Variants in TMEM182 observed in about 807,000 individuals in gnomAD.
TMEM182 encodes the protein transmembrane protein 182.
Under a neutral mutation model 26.8 loss-of-function variants are expected in TMEM182, and 20 were observed. The ratio of observed to expected loss-of-function variants is 0.75; its 90% CI spans 0.53 to 1.09. The LOEUF (loss-of-function observed/expected upper bound fraction) is 1.09. Ranked by LOEUF, TMEM182 falls within the 50% of genes least tolerant of loss-of-function variation. The pLI is 0.00. For missense variants in TMEM182, 277 were observed against 275.5 expected (o/e 1.01, Z -0.04); for synonymous variants, 109 against 102.2 (o/e 1.07, Z -0.40).
chr2:102,812,320 T>C (rs1293501148), intron 4 of TMEM182, among the ~76,000 whole-genome samples: 1 of 151,674 alleles, frequency 6.6e-6, no homozygotes, highest in Non-Finnish European at 1.5e-5. Flanking sequence ...CACTAAACCA[T>C]TGGCCTTTGG....
chr2:102,827,161 A>G (rs1309619609), intron 3 of TMEM182, among the ~76,000 whole-genome samples: 4 of 152,204 alleles, frequency 2.6e-5, no homozygotes, highest in Admixed American at 1.3e-4. Context: ...GCCAGGCACC[A>G]TGTTCCAACT....
chr2:102,763,245 G>A (rs1156346352), intron 2 of TMEM182, among the ~76,000 whole-genome samples: 2 of 152,098 alleles, frequency 1.3e-5, no homozygotes, highest in Non-Finnish European at 2.9e-5. Flanking sequence ...TTTGATGTTT[G>A]TGTTCTCATT....
At chr2:102,823,419 G>A (rs1037145520) in intron 3 of TMEM182, among the ~76,000 whole-genome samples, 24 of 152,064 alleles carry the variant, frequency 1.6e-4, no homozygotes, top group African/African-American at 5.3e-4. Context: ...TGCAACCTCC[G>A]CCTCCTGGGT....
At chr2:102,782,558 A>G (rs924318399) in intron 3 of TMEM182, among the ~76,000 whole-genome samples, 2 of 152,154 alleles carry the variant, frequency 1.3e-5, no homozygotes, top group African/African-American at 2.4e-5. Flanking sequence ...ACACTACCTC[A>G]TAGTAGTACA....
chr2:102,834,423 G>C (rs564774293), intron 3 of TMEM182: 29 of 985,318 alleles, frequency 2.9e-5, no homozygotes, highest in Non-Finnish European at 3.4e-5. Context: ...CTAGAAGATG[G>C]GGGGATGGAA....
chr2:102,815,675 A>G lies in TMEM182; in HGVS notation c.*707A>G. ...CTGCATACCAAATTATGTATAACGT[A>G]GATTGAATTTTTATGAACTTAAAGT... is the stretch of plus-strand genomic sequence containing the variant. On this transcript the variant is annotated 3_prime_UTR_variant, in exon 5 of 5. Transcript: ENST00000412401. 1.0e-6 allele frequency: 1 copy of G among 984,242 alleles called. No homozygotes were observed. Among genetic ancestry groups the G allele is most frequent in the Non-Finnish European group, 1.2e-6 (1 of 828,806 alleles). 61.0% of individuals were successfully genotyped at this position (984,242 alleles called of 1,614,324 possible).
chr2:102,768,689 A>G (rs780962312), intron 3 of TMEM182, among the ~76,000 whole-genome samples: 2 of 152,028 alleles, frequency 1.3e-5, no homozygotes, highest in Non-Finnish European at 2.9e-5. Flanking sequence ...CAACAGAGCA[A>G]GACTCCATCT....
At position 102,771,297 on chromosome 2, in the gene TMEM182, G is replaced by A. The variant is rs968011416; in HGVS notation, c.331+6870G>A. On this transcript the variant is annotated intron_variant, in intron 3 of 4. Coordinates refer to ENST00000412401, the MANE Select transcript of TMEM182 (RefSeq NM_144632.5). ...TCACACAGCCATCACCACAGACACA[G>A]TATCACGTTACAGGAGTGGCTGCAG... Among the ~76,000 whole-genome samples, 4 of 152,172 alleles carry A rather than the reference G, an allele frequency of 2.6e-5. No homozygotes were observed. In the East Asian group the frequency reaches 7.7e-4, roughly 29 times the overall value.
intron 3 of TMEM182, among the ~76,000 whole-genome samples, chr2:102,828,711 G>A (rs1683091821): frequency 6.6e-6 from 1 of 152,130 alleles, no homozygotes; most frequent in South Asian, 2.1e-4. Flanking sequence ...TCCACACTAG[G>A]CTACCCCACA....
intron 1 of TMEM182, among the ~76,000 whole-genome samples, chr2:102,746,762 T>C (rs2104633747): frequency 6.6e-6 from 1 of 152,198 alleles, no homozygotes; most frequent in Non-Finnish European, 1.5e-5. Flanking sequence ...CTAATTTTTG[T>C]ATTTTTAGTA....
chr2:102,763,589 G>A lies in TMEM182; in HGVS notation c.233-740G>A, dbSNP rs938309282. Among the ~76,000 whole-genome samples, 6 of 152,152 alleles carry A rather than the reference G, an allele frequency of 3.9e-5. 1 individual carries two copies. Among genetic ancestry groups the A allele is most frequent in the Admixed American group, 2.0e-4 (3 of 15,274 alleles). On this transcript the variant is annotated intron_variant, in intron 2 of 4. Transcript: ENST00000412401. ...AGGAACAAAGTAGTGATGAAGCAGCGTTTTGAGGCAAGTACCTGATAGACT... is the reference window on the plus strand; with the variant it reads ...AGGAACAAAGTAGTGATGAAGCAGCATTTTGAGGCAAGTACCTGATAGACT...
At chr2:102,822,152 G>A (rs942471466), downstream of TMEM182, among the ~76,000 whole-genome samples, 4 of 152,102 alleles carry the variant, frequency 2.6e-5, no homozygotes, top group African/African-American at 9.7e-5. Flanking sequence ...AAAACAGTTA[G>A]ATTAGGCAGT....
chr2:102,776,069 A>G (rs1048506312), intron 3 of TMEM182, among the ~76,000 whole-genome samples: 12 of 152,188 alleles, frequency 7.9e-5, no homozygotes, highest in Non-Finnish European at 1.8e-4. Context: ...TTTACAGAAA[A>G]ATTGAGTAGA....
Position 102,816,027 on chromosome 2 carries a change from T to G in TMEM182, c.*1059T>G, listed in dbSNP as rs1682732052. ...AATTTCTTCATCTTTACAATAGATA[T>G]ATTAACATTTACAGATCGACTATTT... On this transcript the variant is annotated 3_prime_UTR_variant, in exon 5 of 5. Coordinates refer to ENST00000412401, the MANE Select transcript of TMEM182 (RefSeq NM_144632.5). The G allele has an allele frequency of 2.0e-6, 2 of 984,870 alleles. No individual in the cohort carries two copies. The highest frequency in any genetic ancestry group is 9.4e-5 in the South Asian group (2 of 21,274). The allele number at this position is 984,870 out of a possible 1,614,324, so 61.0% of individuals were successfully genotyped here. A position where few individuals can be genotyped will look rare whatever the true frequency, so the allele number is the denominator to read the frequency against.
At chr2:102,744,878 G>T (rs1679646766) in intron 1 of TMEM182, among the ~76,000 whole-genome samples, 1 of 152,046 alleles carries the variant, frequency 6.6e-6, no homozygotes. Flanking sequence ...GCTTACATGT[G>T]TTTGTTTTCT....
chr2:102,753,418 A>G (rs543009555), intron 1 of TMEM182, among the ~76,000 whole-genome samples: 1 of 152,208 alleles, frequency 6.6e-6, no homozygotes, highest in South Asian at 2.1e-4. Flanking sequence ...TGCTGTAGTC[A>G]TGTTCAGTGT....
At chr2:102,799,460 A>G (rs774562361) in intron 4 of TMEM182, among the ~76,000 whole-genome samples, 1 of 152,242 alleles carries the variant, frequency 6.6e-6, no homozygotes, top group Non-Finnish European at 1.5e-5. Context: ...AAAGGCATAC[A>G]TATAATTTCA....
chr2:102,835,037 A>G lies in TMEM182; in HGVS notation c.326-8375A>G, dbSNP rs1237770124. ...ATAGTAATCAGCTGCACACAAAGCAATTGTGGGGGGCGGGGATGGGAAAGG... is the reference window on the plus strand; with the variant it reads ...ATAGTAATCAGCTGCACACAAAGCAGTTGTGGGGGGCGGGGATGGGAAAGG... On this transcript the variant is annotated intron_variant, in intron 3 of 3. Transcript: ENST00000486293. Among the ~76,000 whole-genome samples, 3 of 152,238 alleles carry G rather than the reference A, an allele frequency of 2.0e-5. No homozygotes were observed. In the South Asian group the frequency reaches 6.2e-4, roughly 32 times the overall value.
chr2:102,746,693 A>G (rs908880593), intron 1 of TMEM182, among the ~76,000 whole-genome samples: 6 of 152,040 alleles, frequency 3.9e-5, no homozygotes, highest in Admixed American at 1.3e-4. Context: ...GGTTCAAGCA[A>G]TTCTCTTGCC....
Sources: allele counts gnomAD v4.1 joint callset (sites outside exome capture counted in the v4.1 genomes callset), GRCh38; gene constraint gnomAD v4.1.1; transcripts MANE v1.5; gene names NCBI Gene and HGNC (gene_info 2026-07-23, HGNC 2026-07-21).